UBE2E2: variants seen among roughly 807,000 people sequenced by gnomAD.
UBE2E2 encodes the protein ubiquitin conjugating enzyme E2 E2, also known as ubiquitin-conjugating enzyme E2 E2.
UBE2E2 carries 6 observed loss-of-function variants against 24.7 expected under a neutral mutation model. The ratio of observed to expected loss-of-function variants is 0.24; its 90% confidence interval spans 0.13 to 0.48. The LOEUF (loss-of-function observed/expected upper bound fraction) is 0.48, where lower values mean the gene tolerates loss of function less well. UBE2E2 is among the 20% of genes least tolerant of loss of function. UBE2E2 has a pLI of 0.99. For synonymous variants in UBE2E2, 104 were observed against 83.6 expected, an observed-to-expected ratio of 1.24 and a Z score of -1.33; for missense variants, 169 against 245.0, an observed-to-expected ratio of 0.69 and a Z score of 2.07.
intron 5 of UBE2E2, among the ~76,000 whole-genome samples, chr3:23,571,140 G>A (rs982129647): frequency 4.0e-5 from 6 of 151,724 alleles, no homozygotes; most frequent in African/African-American, 1.2e-4. Flanking sequence ...TATTTTCTAT[G>A]TTTGTTTTTA....
At chr3:23,498,103 T>C (rs1699644394) in intron 3 of UBE2E2, among the ~76,000 whole-genome samples, 1 of 152,196 alleles carries the variant, frequency 6.6e-6, no homozygotes, top group Non-Finnish European at 1.5e-5. Flanking sequence ...GAAATGTCTA[T>C]GTCTTTTTTA....
At chr3:23,403,295 A>G (rs932699938) in intron 3 of UBE2E2, among the ~76,000 whole-genome samples, 9 of 152,194 alleles carry the variant, frequency 5.9e-5, no homozygotes, top group Admixed American at 2.0e-4. Context: ...CATCTTCCCA[A>G]CATTTTCAGT....
At chr3:23,553,740 A>T (rs7624174) in intron 5 of UBE2E2, among the ~76,000 whole-genome samples, 1 of 151,910 alleles carries the variant, frequency 6.6e-6, no homozygotes, top group African/African-American at 2.4e-5. Context: ...AGTCCATGGC[A>T]TTTCTGTACA....
chr3:23,390,743 G>A (rs1696915147), intron 3 of UBE2E2, among the ~76,000 whole-genome samples: 1 of 152,142 alleles, frequency 6.6e-6, no homozygotes, highest in African/African-American at 2.4e-5. Flanking sequence ...TCCCACAAGG[G>A]GTTTGAGCTC....
chr3:23,395,558 T>G (rs1397513707), intron 3 of UBE2E2, among the ~76,000 whole-genome samples: 1 of 152,210 alleles, frequency 6.6e-6, no homozygotes, highest in Non-Finnish European at 1.5e-5. Flanking sequence ...AGTAGACTTT[T>G]GAGCTGAGTT....
intron 3 of UBE2E2, among the ~76,000 whole-genome samples, chr3:23,353,345 T>C (rs1312727679): frequency 1.3e-5 from 2 of 151,996 alleles, no homozygotes; most frequent in African/African-American, 4.8e-5. Context: ...ATGCCCTCTC[T>C]CACCACTCCT....
chr3:23,501,503 A>G (rs1431163878), intron 4 of UBE2E2, among the ~76,000 whole-genome samples: 3 of 152,306 alleles, frequency 2.0e-5, no homozygotes, highest in East Asian at 3.9e-4. Flanking sequence ...ACAACCAGGA[A>G]TCTACTGAAG....
chr3:23,224,608 T>C (rs538715523), intron 3 of UBE2E2, among the ~76,000 whole-genome samples: 1 of 152,270 alleles, frequency 6.6e-6, no homozygotes, highest in Non-Finnish European at 1.5e-5. Flanking sequence ...CAAGGCTGAT[T>C]TGACTTTTTC....
chr3:23,308,637 G>C (rs575698931), intron 3 of UBE2E2, among the ~76,000 whole-genome samples: 1 of 152,216 alleles, frequency 6.6e-6, no homozygotes, highest in South Asian at 2.1e-4. Flanking sequence ...CTATGTTTTG[G>C]ATCGCTTACA....
intron 3 of UBE2E2, among the ~76,000 whole-genome samples, chr3:23,317,668 T>C (rs1694623823): frequency 6.6e-6 from 1 of 152,006 alleles, no homozygotes; most frequent in Non-Finnish European, 1.5e-5. Context: ...AACTCCTCAT[T>C]GTAAACCCAT....
intron 5 of UBE2E2, among the ~76,000 whole-genome samples, chr3:23,576,925 T>C (rs1176028794): frequency 6.6e-6 from 1 of 151,912 alleles, no homozygotes; most frequent in African/African-American, 2.4e-5. Flanking sequence ...GTTATTGTTT[T>C]TTTTTTTTAA....
intron 3 of UBE2E2, among the ~76,000 whole-genome samples, chr3:23,423,387 T>C (rs1697849730): frequency 6.6e-6 from 1 of 152,216 alleles, no homozygotes; most frequent in South Asian, 2.1e-4. Flanking sequence ...ATACTAAAGA[T>C]AAGAAATAGA....
intron 3 of UBE2E2, among the ~76,000 whole-genome samples, chr3:23,275,083 G>T (rs1698348388): frequency 6.6e-6 from 1 of 152,212 alleles, no homozygotes; most frequent in Admixed American, 6.5e-5. Context: ...TAGGCAGGGG[G>T]ACTGCAGTAA....
In UBE2E2 at chr3:23,293,527, A is replaced by C. The variant is rs1172186934; in HGVS notation, c.227+76215A>C. ...AGATAATACGGTCTTACGTTAAAAA[A>C]ATGAGAGCAAACATTGGTTCTAGTT... is the stretch of plus-strand genomic sequence containing the variant. On this transcript the variant is annotated intron_variant, in intron 3 of 5. Coordinates refer to ENST00000396703, the MANE Select transcript of UBE2E2 (RefSeq NM_152653.4). 2.0e-5 allele frequency among the ~76,000 whole-genome samples: 3 copies of C among 152,228 alleles called. No homozygotes were observed. In the East Asian group the frequency reaches 5.8e-4, roughly 29 times the overall value.
At chr3:23,328,662 C>CTCT (rs1553602773) in intron 3 of UBE2E2, among the ~76,000 whole-genome samples, 2 of 145,428 alleles carry the variant, frequency 1.4e-5, no homozygotes, top group Non-Finnish European at 1.5e-5. Context: ...CTCTCTCTCT[C>CTCT]TTTTTTTTTT....
intron 2 of UBE2E2, among the ~76,000 whole-genome samples, chr3:23,215,614 C>G (rs1696455674): frequency 6.6e-6 from 1 of 152,118 alleles, no homozygotes; most frequent in South Asian, 2.1e-4. Flanking sequence ...CACTCTGCAG[C>G]CCCCTCTTGC....
chr3:23,540,965 C>A (rs564542950), intron 5 of UBE2E2, among the ~76,000 whole-genome samples: 1 of 152,268 alleles, frequency 6.6e-6, no homozygotes, highest in South Asian at 2.1e-4. Context: ...ATTATTTAAA[C>A]AGCATGTTTA....
intron 3 of UBE2E2, among the ~76,000 whole-genome samples, chr3:23,431,475 A>G (rs533752978): frequency 6.8e-5 from 10 of 147,386 alleles, no homozygotes; most frequent in East Asian, 4.1e-4. Context: ...TATGAGTACA[A>G]TATATTAATA....
chr3:23,357,841 C>G (rs1472238465), intron 3 of UBE2E2, among the ~76,000 whole-genome samples: 4 of 123,092 alleles, frequency 3.2e-5, no homozygotes, highest in Non-Finnish European at 7.1e-5. Flanking sequence ...GGAAGGAAAT[C>G]TATTTAATTT....
Sources: allele counts gnomAD v4.1 joint callset (sites outside exome capture counted in the v4.1 genomes callset), GRCh38; gene constraint gnomAD v4.1.1; transcripts MANE v1.5; gene names NCBI Gene and HGNC (gene_info 2026-07-23, HGNC 2026-07-21).